The following RAPGEF6 variants were observed in gnomAD, a reference collection of about 807,000 sequenced individuals.
RAPGEF6 encodes Rap guanine nucleotide exchange factor 6.
RAPGEF6 carries 56 observed loss-of-function variants against 171.4 expected under a neutral mutation model. The observed-to-expected ratio is 0.33, with a 90% CI of 0.26 to 0.41. The LOEUF (loss-of-function observed/expected upper bound fraction) is 0.41, where lower values mean the gene tolerates loss of function less well. Ranked by LOEUF, RAPGEF6 falls within the 10% of genes least tolerant of loss-of-function variation. The pLI, the probability that RAPGEF6 is intolerant of heterozygous loss-of-function variation, is 1.00. For synonymous variants in RAPGEF6, 692 were observed against 650.1 expected, an observed-to-expected ratio of 1.06 and a Z score of -0.98; for missense variants, 1,674 against 1,921.4, an observed-to-expected ratio of 0.87 and a Z score of 2.41.
chr5:131,462,198 C>A, intron 18 of RAPGEF6, 110 bp from the exon 19 acceptor site: 3 of 899,238 alleles, frequency 3.3e-6, no homozygotes, highest in Non-Finnish European at 4.5e-6. Flanking sequence ...AACTTTTAGC[C>A]AAAAATATTA....
At chr5:131,597,281 G>A (rs1561593584) in intron 3 of RAPGEF6, among the ~76,000 whole-genome samples, 1 of 150,918 alleles carries the variant, frequency 6.6e-6, no homozygotes, top group East Asian at 1.9e-4. Context: ...ACGTAAATTA[G>A]TAGTTATTAT....
At chr5:131,528,710 A>T (rs1224054527) in intron 6 of RAPGEF6, among the ~76,000 whole-genome samples, 1 of 152,146 alleles carries the variant, frequency 6.6e-6, no homozygotes, top group Non-Finnish European at 1.5e-5. Context: ...AATCAGTATA[A>T]GAATGCTTGG....
chr5:131,587,807 C>G (rs1050978641), intron 4 of RAPGEF6, among the ~76,000 whole-genome samples: 7 of 152,158 alleles, frequency 4.6e-5, no homozygotes, highest in African/African-American at 1.7e-4. Flanking sequence ...ATGTTACTCT[C>G]CTTTCTCCCT....
chr5:131,586,472 A>C (rs1193879829), intron 4 of RAPGEF6, among the ~76,000 whole-genome samples: 3 of 152,170 alleles, frequency 2.0e-5, no homozygotes, highest in Non-Finnish European at 4.4e-5. Flanking sequence ...CTCTACTAAA[A>C]ATACAAAATT....
chr5:131,606,757 T>C lies in RAPGEF6; in HGVS notation c.70-2064A>G, dbSNP rs556282588. 7.2e-5 allele frequency among the ~76,000 whole-genome samples: 11 copies of C among 152,272 alleles called. No homozygotes were observed. The South Asian group carries it at 2.1e-3, about 29-fold the overall frequency. On this transcript the variant is annotated intron_variant, in intron 1 of 27. Coordinates refer to ENST00000509018, the MANE Select transcript of RAPGEF6 (RefSeq NM_016340.6). ...GATAGAAGTGAGGTTGTATAAAAGA[T>C]TCAAGCACCCTGAGACCACTAATGT...
intron 5 of RAPGEF6, among the ~76,000 whole-genome samples, chr5:131,551,736 T>C (rs1016597706): frequency 9.9e-5 from 15 of 151,994 alleles, no homozygotes; most frequent in Non-Finnish European, 2.2e-4. Context: ...AGAGTAAAAA[T>C]GGAAGTAAAA....
At chr5:131,525,588 C>T (rs1758820139) in intron 6 of RAPGEF6, among the ~76,000 whole-genome samples, 1 of 151,412 alleles carries the variant, frequency 6.6e-6, no homozygotes, top group African/African-American at 2.4e-5. Flanking sequence ...TAATTGCTTA[C>T]AATACAGAAT....
At chr5:131,506,154 T>C (rs994048452) in intron 9 of RAPGEF6, among the ~76,000 whole-genome samples, 3 of 152,226 alleles carry the variant, frequency 2.0e-5, no homozygotes, top group African/African-American at 7.2e-5. Context: ...TATTTATTTA[T>C]TTGAGAGATG....
chr5:131,561,943 A>G lies in RAPGEF6; in HGVS notation c.351+35T>C, dbSNP rs774495289. 3 of 1,496,954 alleles carry G rather than the reference A, an allele frequency of 2.0e-6. No individual in the cohort carries two copies. In the Admixed American group the frequency reaches 5.3e-5, roughly 27 times the overall value. The allele number at this position is 1,496,954 out of a possible 1,614,324, so 92.7% of individuals were successfully genotyped here. ...ACATTTAAAGTTAAAACTGAAGCATATCAAAAACAATTCAGCATTCTTTAA... is the reference window on the plus strand; with the variant it reads ...ACATTTAAAGTTAAAACTGAAGCATGTCAAAAACAATTCAGCATTCTTTAA... On this transcript the variant is annotated intron_variant, in intron 5 of 27. Transcript: ENST00000509018.
intron 5 of RAPGEF6, among the ~76,000 whole-genome samples, chr5:131,553,171 A>C (rs1354770129): frequency 6.6e-6 from 1 of 152,158 alleles, no homozygotes; most frequent in Non-Finnish European, 1.5e-5. Context: ...GCTGAAGCAC[A>C]AGAGCACAGA....
rs1447220760 is a variant in RAPGEF6, at chr5:131,529,484, A to AT, written c.496-7964_496-7963insA. Among the ~76,000 whole-genome samples, 144 of 148,766 alleles carry AT rather than the reference A, an allele frequency of 9.7e-4. 2 individuals carry two copies. Among genetic ancestry groups the AT allele is most frequent in the African/African-American group, 2.5e-3 (99 of 39,602 alleles). On this transcript the variant is annotated intron_variant, in intron 6 of 27. Coordinates refer to ENST00000509018, the MANE Select transcript of RAPGEF6 (RefSeq NM_016340.6). ...GAGCGAGACTCTGTCAAAAAAAAAA[A>AT]ATAATAATCTCACAACTGAAGACGA...
intron 6 of RAPGEF6, among the ~76,000 whole-genome samples, chr5:131,529,401 G>A (rs1421993465): frequency 2.6e-5 from 4 of 151,944 alleles, no homozygotes; most frequent in Non-Finnish European, 5.9e-5. Flanking sequence ...GCTTTGACCC[G>A]GGAGGTGGAG....
intron 1 of RAPGEF6, among the ~76,000 whole-genome samples, chr5:131,613,962 G>T (rs116754785): frequency 0.022 from 3,308 of 152,016 alleles, 60 homozygotes; most frequent in Middle Eastern, 0.14. Flanking sequence ...CAGCAGGGTT[G>T]TATTAGTCCA....
At chr5:131,552,380 C>A (rs1760975694) in intron 5 of RAPGEF6, among the ~76,000 whole-genome samples, 1 of 151,682 alleles carries the variant, frequency 6.6e-6, no homozygotes, top group African/African-American at 2.4e-5. Context: ...CTCAAGCATG[C>A]AAGTAAACTA....
chr5:131,608,600 T>C (rs1375302706), intron 1 of RAPGEF6, among the ~76,000 whole-genome samples: 1 of 152,162 alleles, frequency 6.6e-6, no homozygotes, highest in African/African-American at 2.4e-5. Flanking sequence ...ATGCTAAAAT[T>C]TGATCCCCAA....
At position 131,452,064 on chromosome 5, in the gene RAPGEF6, C is replaced by CA. The variant is rs540060179; in HGVS notation, c.3200+989dup. Among the ~76,000 whole-genome samples, 2 of 152,000 alleles carry CA rather than the reference C, an allele frequency of 1.3e-5. 1 individual carries two copies. Among genetic ancestry groups the CA allele is most frequent in the Non-Finnish European group, 2.9e-5 (2 of 67,980 alleles). On this transcript the variant is annotated intron_variant, in intron 21 of 27. Coordinates refer to ENST00000509018, the MANE Select transcript of RAPGEF6 (RefSeq NM_016340.6). ...TGAAACCTTGTCTCTACTAAAAATA[C>CA]AAAAAATTAGCCGGGCGTAGTGGCA...
At chr5:131,430,836 C>T in intron 26 of RAPGEF6, 23 bp downstream of exon 26, 1 of 1,582,602 alleles carries the variant, frequency 6.3e-7, no homozygotes, top group Non-Finnish European at 8.6e-7. Context: ...CTAAATGCCA[C>T]AGACAACAAA....
rs548273107 is a variant in RAPGEF6, at chr5:131,425,218, C to T, written c.*2048G>A. On this transcript the variant is annotated 3_prime_UTR_variant, in exon 28 of 28. Coordinates refer to ENST00000509018, the MANE Select transcript of RAPGEF6 (RefSeq NM_016340.6). ...ATATTTACACTATTAAGGACAAAGA[C>T]AGGTAAGGCTTCCATTTGGTTTGAA... 6 of 152,404 alleles carry T rather than the reference C, an allele frequency of 3.9e-5. No homozygotes were observed. The highest frequency in any genetic ancestry group is 1.9e-4 in the East Asian group (1 of 5,326). The allele number at this position is 152,404 out of a possible 1,614,324, so 9.4% of individuals were successfully genotyped here. A position where few individuals can be genotyped will look rare whatever the true frequency, so the allele number is the denominator to read the frequency against.
At chr5:131,628,704 A>C (rs1234526850) in intron 1 of RAPGEF6, among the ~76,000 whole-genome samples, 2 of 152,202 alleles carry the variant, frequency 1.3e-5, no homozygotes, top group African/African-American at 4.8e-5. Flanking sequence ...CTCCTGTTAG[A>C]GGATAATGCA....
Sources: gnomAD v4.1 joint callset for allele counts (sites outside exome capture counted in the v4.1 genomes callset) on GRCh38, gnomAD v4.1.1 for gene constraint, MANE v1.5 for transcripts, NCBI Gene and HGNC (gene_info 2026-07-23, HGNC 2026-07-21) for gene names.